The following BLK variants were observed in gnomAD, a reference collection of about 807,000 sequenced individuals.
BLK encodes the protein tyrosine-protein kinase Blk.
In BLK, 64 loss-of-function variants were observed where a neutral mutation model predicts 61.8. The ratio of observed to expected loss-of-function variants is 1.03; its 90% confidence interval spans 0.85 to 1.27. The LOEUF (loss-of-function observed/expected upper bound fraction) is 1.27, where lower values mean the gene tolerates loss of function less well. Ranked by LOEUF, BLK falls within the 50% of genes most tolerant of loss-of-function variation. The pLI is 0.00. For synonymous variants in BLK, 351 were observed against 272.0 expected, an observed-to-expected ratio of 1.29 and a Z score of -2.86; for missense variants, 853 against 660.5, an observed-to-expected ratio of 1.29 and a Z score of -3.19.
chr8:11,521,476 A>C (rs1563436512), intron 1 of BLK, among the ~76,000 whole-genome samples: 1 of 152,076 alleles, frequency 6.6e-6, no homozygotes, highest in South Asian at 2.1e-4. Context: ...ATTTTTGTAG[A>C]GGTGAGGTCC....
At chr8:11,532,235 G>A (rs1349470323) in intron 1 of BLK, among the ~76,000 whole-genome samples, 2 of 149,320 alleles carry the variant, frequency 1.3e-5, no homozygotes, top group African/African-American at 4.9e-5. Flanking sequence ...ATCTCGCTCT[G>A]TTGCCCAGGC....
chr8:11,555,175 A>G (rs1443051847), intron 7 of BLK, among the ~76,000 whole-genome samples, 157 bp from the exon 8 acceptor site: 1 of 152,100 alleles, frequency 6.6e-6, no homozygotes, highest in Non-Finnish European at 1.5e-5. Flanking sequence ...ACGAAGAGAA[A>G]GAGTTGAGTG....
intron 1 of BLK, among the ~76,000 whole-genome samples, chr8:11,518,463 A>G (rs1327972885): frequency 1.3e-5 from 2 of 152,114 alleles, no homozygotes; most frequent in Non-Finnish European, 2.9e-5. Flanking sequence ...CTTTGGGAGG[A>G]TTGAGGGGTG....
At chr8:11,536,717 C>T (rs1800147703) in intron 1 of BLK, among the ~76,000 whole-genome samples, 1 of 152,148 alleles carries the variant, frequency 6.6e-6, no homozygotes, top group Admixed American at 6.5e-5. Flanking sequence ...ATATTCTTGA[C>T]TTTAGTATAT....
At chr8:11,557,045 C>T (rs1206015757) in intron 9 of BLK, among the ~76,000 whole-genome samples, 1 of 152,044 alleles carries the variant, frequency 6.6e-6, no homozygotes, top group Non-Finnish European at 1.5e-5. Flanking sequence ...TCTGACAGAG[C>T]CATGTTCTCA....
chr8:11,553,307 C>T, intron 6 of BLK: 1 of 373,214 alleles, frequency 2.7e-6, no homozygotes, highest in South Asian at 2.1e-5. Flanking sequence ...GGCGGTCCTT[C>T]AGTGCTGAGA....
rs118016851 is a variant in BLK at position 11,560,618 on chromosome 8, T to C, written c.1030-684T>C. ...AGGTGCCAAGTAGCACCAGCTGCTA[T>C]CCCTGGCCCAGGCTGGTGATCAGGG... On this transcript the variant is annotated intron_variant, in intron 10 of 12. Coordinates refer to ENST00000259089, the MANE Select transcript of BLK (RefSeq NM_001715.3). The C allele has an allele frequency of 1.7e-4, 59 of 340,674 alleles. No homozygotes were observed. The East Asian group carries it at 4.5e-3, about 26-fold the overall frequency. The allele number at this position is 340,674 out of a possible 1,614,324, so 21.1% of individuals were successfully genotyped here. A position where few individuals can be genotyped will look rare whatever the true frequency, so the allele number is the denominator to read the frequency against.
intron 10 of BLK, chr8:11,558,624 G>A (rs1243919453): frequency 2.2e-6 from 1 of 455,720 alleles, no homozygotes; most frequent in South Asian, 1.5e-5. Context: ...GGCTACCCAG[G>A]ACTGGTCCTC....
At chr8:11,559,325 ACT>A (rs1400033133) in intron 10 of BLK, among the ~76,000 whole-genome samples, 18 of 125,944 alleles carry the variant, frequency 1.4e-4, no homozygotes, top group African/African-American at 4.8e-4. Flanking sequence ...AAAAACACAG[ACT>A]CACACACACA....
At chr8:11,525,564 T>G (rs996825210) in intron 1 of BLK, among the ~76,000 whole-genome samples, 4 of 152,250 alleles carry the variant, frequency 2.6e-5, no homozygotes, top group African/African-American at 9.6e-5. Context: ...TTTTACTAAT[T>G]TATTTACCTA....
chr8:11,549,040 C>A lies in BLK; in HGVS notation c.286C>A (p.Leu96Met). The change falls in exon 5 of 13, where the codon CTG (leucine) becomes ATG (methionine). Residue 96 changes from leucine to methionine, a missense_variant. By Grantham distance (15) the Leu-to-Met change is conservative. Coordinates refer to ENST00000259089, the MANE Select transcript of BLK (RefSeq NM_001715.3). The part of the protein sequence containing the change: ...QVLKGTGDWW[L>M]ARSLVTGREG... ...TCCCATTAGAACTGGAGACTGGTGG[C>A]TGGCCAGGTCACTCGTCACAGGAAG... 1 of 1,609,864 alleles carries A rather than the reference C, an allele frequency of 6.2e-7. No individual in the cohort carries two copies. The highest frequency in any genetic ancestry group is 1.1e-5 in the South Asian group (1 of 89,560).
At chr8:11,534,086 C>T (rs1276193990) in intron 1 of BLK, among the ~76,000 whole-genome samples, 2 of 152,192 alleles carry the variant, frequency 1.3e-5, no homozygotes, top group African/African-American at 2.4e-5. Flanking sequence ...AATGCAGATA[C>T]CAGCACTGCT....
rs1801248989 is a variant in BLK at position 11,556,727 on chromosome 8, T to C, written c.842T>C (p.Phe281Ser). Residue 281 changes from phenylalanine (F) to serine (S), a missense_variant, in exon 9 of 13, where the codon TTT becomes TCT. Phe to Ser is a radical substitution (Grantham distance 155). Coordinates refer to ENST00000259089, the MANE Select transcript of BLK (RefSeq NM_001715.3). Reference sequence around the variant, plus strand: ...GAGGGAACCATGTCTCCAGAAGCCTTTCTGGGTGAGGCCAACGTGATGAAG... The same window carrying C: ...GAGGGAACCATGTCTCCAGAAGCCTCTCTGGGTGAGGCCAACGTGATGAAG... ...LKEGTMSPEA[F>S]LGEANVMKAL... The C allele has an allele frequency of 6.2e-7, 1 of 1,614,176 alleles. No homozygotes were observed. The highest frequency in any genetic ancestry group is 8.5e-7 in the Non-Finnish European group (1 of 1,180,048).
At chr8:11,550,616 G>A (rs551129973) in intron 6 of BLK, among the ~76,000 whole-genome samples, 2 of 152,350 alleles carry the variant, frequency 1.3e-5, no homozygotes, top group East Asian at 3.9e-4. Context: ...CAAGGATTAG[G>A]GGGAGCTCAA....
intron 1 of BLK, among the ~76,000 whole-genome samples, chr8:11,542,994 C>G (rs1253883955): frequency 6.6e-6 from 1 of 152,222 alleles, no homozygotes; most frequent in East Asian, 1.9e-4. Context: ...CAGAGGATTT[C>G]TGTGTCCTAA....
chr8:11,564,472 G>C lies in BLK; in HGVS notation c.*364G>C. 1.9e-6 allele frequency: 1 copy of C among 535,958 alleles called. No individual in the cohort carries two copies. Among genetic ancestry groups the C allele is most frequent in the South Asian group, 1.5e-5 (1 of 65,184 alleles). 33.2% of individuals were successfully genotyped at this position (535,958 alleles called of 1,614,324 possible). ...GGCCGCGTCCCCGCCTCTGCGCCCT[G>C]CGTGGACCCCGCCCTGCCCCGCTAC... On this transcript the variant is annotated 3_prime_UTR_variant, in exon 13 of 13. Coordinates refer to ENST00000259089, the MANE Select transcript of BLK (RefSeq NM_001715.3).
At chr8:11,503,813 C>T (rs2117254135) in intron 1 of BLK, among the ~76,000 whole-genome samples, 1 of 152,236 alleles carries the variant, frequency 6.6e-6, no homozygotes, top group East Asian at 1.9e-4. Context: ...CCTGGGCTCG[C>T]AGTGAAAGGG....
chr8:11,510,648 C>T (rs1421552417), intron 1 of BLK, among the ~76,000 whole-genome samples: 2 of 152,006 alleles, frequency 1.3e-5, no homozygotes, highest in Non-Finnish European at 2.9e-5. Flanking sequence ...TCTGGGAATC[C>T]GAGATTGAAA....
chr8:11,507,209 G>T (rs1475611511), intron 1 of BLK, among the ~76,000 whole-genome samples: 1 of 152,202 alleles, frequency 6.6e-6, no homozygotes, highest in Non-Finnish European at 1.5e-5. Context: ...AGTGAAGTGG[G>T]GAAGGAAACT....
Sources: gnomAD v4.1 joint callset for allele counts (sites outside exome capture counted in the v4.1 genomes callset) on GRCh38, gnomAD v4.1.1 for gene constraint, MANE v1.5 for transcripts, NCBI Gene and HGNC (gene_info 2026-07-23, HGNC 2026-07-21) for gene names.